Variants in SMOC1 observed in about 807,000 individuals in gnomAD.
SMOC1 encodes SPARC-related modular calcium-binding protein 1.
SMOC1 carries 22 observed loss-of-function variants against 56.3 expected under a neutral mutation model. That is an observed-to-expected ratio of 0.39 (90% CI 0.28 to 0.56). SMOC1 has a LOEUF of 0.56. Among genes scored for constraint, SMOC1 ranks in the 20% least tolerant of loss-of-function variants. SMOC1 has a pLI of 0.61. For synonymous variants in SMOC1, 193 were observed against 215.0 expected (o/e 0.90, Z 0.89); for missense variants, 509 against 565.4 (o/e 0.90, Z 1.01).
At chr14:69,998,881 A>G (rs1484660262) in intron 7 of SMOC1, among the ~76,000 whole-genome samples, 1 of 151,872 alleles carries the variant, frequency 6.6e-6, no homozygotes, top group Non-Finnish European at 1.5e-5. Context: ...TTCTTCCATG[A>G]TCTGATCAAG....
chr14:69,996,966 A>G (rs1378450742), intron 7 of SMOC1, among the ~76,000 whole-genome samples: 1 of 152,198 alleles, frequency 6.6e-6, no homozygotes, highest in African/African-American at 2.4e-5. Flanking sequence ...ACAGCCATAT[A>G]TTTGTGTAGT....
intron 3 of SMOC1, among the ~76,000 whole-genome samples, chr14:69,955,937 T>C (rs1186964781): frequency 1.3e-5 from 2 of 152,170 alleles, no homozygotes; most frequent in Non-Finnish European, 2.9e-5. Context: ...GGCTTTTTCT[T>C]TCTCCAGGCT....
intron 3 of SMOC1, among the ~76,000 whole-genome samples, chr14:69,960,058 T>G (rs898132184): frequency 4.6e-5 from 7 of 152,214 alleles, no homozygotes; most frequent in Non-Finnish European, 8.8e-5. Flanking sequence ...CTGGTTTTTC[T>G]TCTTTCACAT....
At chr14:69,891,334 A>G (rs1402282488) in intron 1 of SMOC1, among the ~76,000 whole-genome samples, 1 of 152,250 alleles carries the variant, frequency 6.6e-6, no homozygotes, top group Non-Finnish European at 1.5e-5. Flanking sequence ...GTGAATACAT[A>G]TATTCTTAAA....
intron 3 of SMOC1, among the ~76,000 whole-genome samples, chr14:69,963,558 T>C (rs1483530990): frequency 6.6e-6 from 1 of 152,116 alleles, no homozygotes; most frequent in Non-Finnish European, 1.5e-5. Flanking sequence ...GTGCTTGTGC[T>C]GGTCCCTCCC....
chr14:69,923,261 G>C (rs1884900662), intron 1 of SMOC1, among the ~76,000 whole-genome samples: 1 of 152,108 alleles, frequency 6.6e-6, no homozygotes, highest in South Asian at 2.1e-4. Context: ...TCTTTACTGT[G>C]CACCCTCCAT....
chr14:69,989,754 G>T (rs753978679), intron 5 of SMOC1, among the ~76,000 whole-genome samples: 6 of 152,178 alleles, frequency 3.9e-5, no homozygotes, highest in Non-Finnish European at 8.8e-5. Context: ...CCAGTGTGGG[G>T]CCTGGTGTTG....
chr14:69,943,871 G>T (rs1047220059), intron 1 of SMOC1, among the ~76,000 whole-genome samples: 1 of 152,166 alleles, frequency 6.6e-6, no homozygotes, highest in Non-Finnish European at 1.5e-5. Flanking sequence ...AACCACTGTT[G>T]CCAGAGCTGA....
At chr14:69,907,629 C>T (rs1179295597) in intron 1 of SMOC1, among the ~76,000 whole-genome samples, 3 of 152,156 alleles carry the variant, frequency 2.0e-5, no homozygotes, top group Non-Finnish European at 4.4e-5. Flanking sequence ...TTCGGTAAGA[C>T]AGAAAACAAG....
chr14:69,921,766 C>T (rs1884849485), intron 1 of SMOC1, among the ~76,000 whole-genome samples: 1 of 152,178 alleles, frequency 6.6e-6, no homozygotes, highest in Non-Finnish European at 1.5e-5. Context: ...CAAACCAATG[C>T]TTCTTATGTG....
At chr14:69,938,558 G>C (rs923015149) in intron 1 of SMOC1, among the ~76,000 whole-genome samples, 1 of 152,108 alleles carries the variant, frequency 6.6e-6, no homozygotes, top group African/African-American at 2.4e-5. Flanking sequence ...TGGCTTTTGG[G>C]CTTCTTACCC....
At chr14:70,027,257 C>T (rs943539185) in intron 11 of SMOC1, among the ~76,000 whole-genome samples, 1 of 152,198 alleles carries the variant, frequency 6.6e-6, no homozygotes, top group Admixed American at 6.5e-5. Context: ...GCGCTTGGCC[C>T]AGCCTCAGGA....
intron 7 of SMOC1, among the ~76,000 whole-genome samples, chr14:70,003,136 C>T (rs1056254843): frequency 1.3e-5 from 2 of 152,212 alleles, no homozygotes; most frequent in African/African-American, 4.8e-5. Context: ...TTGTTTTCAA[C>T]ACACAGTTTG....
chr14:70,015,551 C>G (rs533130511), intron 10 of SMOC1, among the ~76,000 whole-genome samples: 1 of 152,214 alleles, frequency 6.6e-6, no homozygotes, highest in Non-Finnish European at 1.5e-5. Flanking sequence ...GCCCGGAGCC[C>G]CCCATGGTCC....
intron 1 of SMOC1, 125 bp downstream of exon 1, chr14:69,879,902 A>G (rs922356249): frequency 7.3e-6 from 6 of 826,334 alleles, no homozygotes; most frequent in Non-Finnish European, 9.0e-6. Context: ...GTCTACTACC[A>G]GGTCCCCTGC....
chr14:70,019,135 T>C (rs931629075), intron 10 of SMOC1, among the ~76,000 whole-genome samples: 1 of 152,210 alleles, frequency 6.6e-6, no homozygotes, highest in African/African-American at 2.4e-5. Context: ...GGGAGAAGTG[T>C]AGCCTATGCC....
intron 1 of SMOC1, among the ~76,000 whole-genome samples, chr14:69,923,510 C>T (rs1182985490): frequency 6.6e-6 from 1 of 152,166 alleles, no homozygotes; most frequent in Non-Finnish European, 1.5e-5. Flanking sequence ...ATCTCCTCTA[C>T]TGCCTTGTCC....
Position 69,994,403 on chromosome 14 carries a change from TCA to T in SMOC1, c.590_591del (p.Thr197SerfsTer7). On this transcript the variant is annotated frameshift_variant, in exon 7 of 12. Coordinates refer to ENST00000361956, the MANE Select transcript of SMOC1 (RefSeq NM_001034852.3). LOFTEE classifies it high-confidence loss of function. ...CTCTCCTTTTCCTCACCCCTAGAAA[TCA>T]CAGCCCCAACTCTATGGATTAAACA... is the stretch of plus-strand genomic sequence containing the variant. The T allele has an allele frequency of 6.2e-7, 1 of 1,613,642 alleles. No homozygotes were observed. Among genetic ancestry groups the T allele is most frequent in the Non-Finnish European group, 8.5e-7 (1 of 1,179,606 alleles).
chr14:69,907,487 C>T (rs967324682), intron 1 of SMOC1, among the ~76,000 whole-genome samples: 3 of 152,114 alleles, frequency 2.0e-5, no homozygotes, highest in Admixed American at 2.0e-4. Context: ...TGTAGTTACA[C>T]AAAAGAGAAG....
Sources: allele counts gnomAD v4.1 joint callset (sites outside exome capture counted in the v4.1 genomes callset), GRCh38; gene constraint gnomAD v4.1.1; transcripts MANE v1.5; gene names NCBI Gene and HGNC (gene_info 2026-07-23, HGNC 2026-07-21).